The following CEP83 variants were observed in gnomAD, a reference collection of about 807,000 sequenced individuals.
The protein encoded by CEP83 is centrosomal protein 83, also known as centrosomal protein of 83 kDa.
CEP83 carries 70 observed loss-of-function variants against 101.9 expected under a neutral mutation model. The ratio of observed to expected loss-of-function variants is 0.69; its 90% CI spans 0.57 to 0.84. CEP83 has a LOEUF of 0.84. Among genes scored for constraint, CEP83 ranks in the 40% least tolerant of loss-of-function variants. The pLI, the probability that CEP83 is intolerant of heterozygous loss-of-function variation, is 0.00. For synonymous variants in CEP83, 264 were observed against 267.9 expected, an observed-to-expected ratio of 0.99 and a Z score of 0.14; for missense variants, 715 against 787.2, an observed-to-expected ratio of 0.91 and a Z score of 1.10.
intron 14 of CEP83, chr12:94,328,458 G>T: frequency 6.5e-6 from 1 of 154,768 alleles, no homozygotes; most frequent in South Asian, 1.9e-4. Flanking sequence ...AGGGAAAAAA[G>T]AACTTTTCAC....
chr12:94,381,976 T>C (rs928377888), intron 6 of CEP83, among the ~76,000 whole-genome samples: 1 of 152,110 alleles, frequency 6.6e-6, no homozygotes, highest in Non-Finnish European at 1.5e-5. Flanking sequence ...AAACACCTGG[T>C]AAAATTCTCT....
the CEP83 span, among the ~76,000 whole-genome samples, chr12:94,294,295 G>A: frequency 6.6e-6 from 1 of 152,214 alleles, no homozygotes; most frequent in African/African-American, 2.4e-5. Flanking sequence ...GCCCCTTGAG[G>A]ACAGAGACAC....
chr12:94,366,547 G>C (rs1167348232), intron 11 of CEP83, among the ~76,000 whole-genome samples: 1 of 152,134 alleles, frequency 6.6e-6, no homozygotes, highest in Non-Finnish European at 1.5e-5. Context: ...AGTATGAAAA[G>C]AGGAAGACCA....
intron 11 of CEP83, among the ~76,000 whole-genome samples, chr12:94,340,338 T>G (rs1213295656): frequency 2.6e-5 from 4 of 152,174 alleles, no homozygotes; most frequent in Non-Finnish European, 5.9e-5. Context: ...CACAGAGACA[T>G]GGGCATATAA....
intron 6 of CEP83, among the ~76,000 whole-genome samples, chr12:94,391,710 C>T (rs1463619610): frequency 5.9e-5 from 9 of 152,036 alleles, no homozygotes; most frequent in Non-Finnish European, 1.5e-5. Flanking sequence ...CAAGACCCAT[C>T]AGTGTGCTGT....
intron 2 of CEP83, chr12:94,424,141 C>T: frequency 6.2e-7 from 1 of 1,603,478 alleles, no homozygotes; most frequent in East Asian, 2.2e-5. Flanking sequence ...AGAGTGCAGA[C>T]CGAGCAAGCA....
chr12:94,302,418 T>C (rs1272951154), downstream of CEP83, among the ~76,000 whole-genome samples: 1 of 152,218 alleles, frequency 6.6e-6, no homozygotes, highest in Non-Finnish European at 1.5e-5. Flanking sequence ...GACCAGAAAC[T>C]GTAGGAGACT....
intron 6 of CEP83, among the ~76,000 whole-genome samples, chr12:94,396,478 C>T (rs185840853): frequency 1.7e-4 from 26 of 151,476 alleles, no homozygotes; most frequent in Admixed American, 5.9e-4. Context: ...TTAGTAGAGA[C>T]GGGGTTTCAC....
At chr12:94,454,454 G>A (rs1333750829) in intron 1 of CEP83, among the ~76,000 whole-genome samples, 1 of 152,146 alleles carries the variant, frequency 6.6e-6, no homozygotes. Context: ...TCTAACTAAA[G>A]GTTTGTAAAC....
At chr12:94,282,486 C>T in the CEP83 span, 12 of 872,998 alleles carry the variant, frequency 1.4e-5, no homozygotes, top group African/African-American at 5.0e-5. Flanking sequence ...CCAGGACTCC[C>T]ACCCATTTCC....
intron 6 of CEP83, among the ~76,000 whole-genome samples, chr12:94,379,459 G>C (rs541254160): frequency 1.3e-4 from 20 of 152,206 alleles, no homozygotes; most frequent in African/African-American, 4.8e-4. Context: ...AATTATCTAT[G>C]TCAGGGCAAC....
chr12:94,276,212 G>A, the CEP83 span, among the ~76,000 whole-genome samples: 17 of 152,250 alleles, frequency 1.1e-4, no homozygotes, highest in East Asian at 2.1e-3. Context: ...CTGAAGCTCC[G>A]ATTAAAAGGT....
At chr12:94,368,398 T>A in intron 9 of CEP83, 197 bp from the exon 10 acceptor site, 1 of 531,890 alleles carries the variant, frequency 1.9e-6, no homozygotes. Context: ...TCAGAGCAAA[T>A]TTTCCTGTCA....
chr12:94,297,235 T>C, the CEP83 span: 34 of 1,613,862 alleles, frequency 2.1e-5, no homozygotes, highest in Non-Finnish European at 2.8e-5. Flanking sequence ...GTTCAGGCTT[T>C]CTTGTGCTCA....
chr12:94,310,053 T>C lies in CEP83; in HGVS notation c.1866A>G (p.Ile622Met). 1 of 1,605,918 alleles carries C rather than the reference T, an allele frequency of 6.2e-7. No individual in the cohort carries two copies. The highest frequency in any genetic ancestry group is 1.1e-5 in the South Asian group (1 of 90,814). Residue 622 changes from isoleucine to methionine, a missense_variant, in exon 16 of 17, where the codon ATA becomes ATG. Physicochemically the swap from Ile to Met is conservative, Grantham distance 10 (BLOSUM62 1). Coordinates refer to ENST00000397809, the MANE Select transcript of CEP83 (RefSeq NM_016122.3). ...TTCGAAATTCATTATGTCTTCTCTG[T>C]ATATCTTTTAGTCTTTTTTGAAGCC... Reference protein sequence around the residue: ...YTRLQKRLKDIQRRHNEFRSL... With the variant: ...YTRLQKRLKDMQRRHNEFRSL...
At chr12:94,326,838 T>A (rs2058992042) in intron 14 of CEP83, among the ~76,000 whole-genome samples, 1 of 152,144 alleles carries the variant, frequency 6.6e-6, no homozygotes, top group Non-Finnish European at 1.5e-5. Flanking sequence ...TGAAAAAAGA[T>A]CCTCCTCCAG....
chr12:94,323,535 T>C (rs2058838785), intron 14 of CEP83, among the ~76,000 whole-genome samples: 1 of 152,162 alleles, frequency 6.6e-6, no homozygotes, highest in Admixed American at 6.5e-5. Context: ...CTGGGTCAAG[T>C]TGTTTTCTTG....
chr12:94,402,572 C>T (rs1224316084), intron 5 of CEP83, among the ~76,000 whole-genome samples: 2 of 151,970 alleles, frequency 1.3e-5, no homozygotes, highest in Non-Finnish European at 2.9e-5. Context: ...TTTGCCACGA[C>T]GTATCTGGAG....
chr12:94,317,538 T>C (rs796616178), intron 14 of CEP83, among the ~76,000 whole-genome samples: 14 of 152,202 alleles, frequency 9.2e-5, no homozygotes, highest in African/African-American at 3.4e-4. Context: ...AGTGTTTTTA[T>C]AGTTTTGGAT....
Sources: gnomAD v4.1 joint callset for allele counts (sites outside exome capture counted in the v4.1 genomes callset) on GRCh38, gnomAD v4.1.1 for gene constraint, MANE v1.5 for transcripts, NCBI Gene and HGNC (gene_info 2026-07-23, HGNC 2026-07-21) for gene names.